Variants in CDH18 observed in about 807,000 individuals in gnomAD.
The protein encoded by CDH18 is cadherin 18.
Under a neutral mutation model 67.9 loss-of-function variants are expected in CDH18, and 31 were observed. The ratio of observed to expected loss-of-function variants is 0.46; its 90% confidence interval spans 0.34 to 0.62. The LOEUF (loss-of-function observed/expected upper bound fraction) is 0.62, where lower values mean the gene tolerates loss of function less well. Ranked by LOEUF, CDH18 falls within the 20% of genes least tolerant of loss-of-function variation. CDH18 has a pLI of 0.01. For synonymous variants in CDH18, 362 were observed against 347.2 expected (o/e 1.04, Z -0.48); for missense variants, 890 against 975.5 (o/e 0.91, Z 1.17).
chr5:20,215,875 C>G (rs759849876), intron 2 of CDH18, among the ~76,000 whole-genome samples: 23 of 151,748 alleles, frequency 1.5e-4, no homozygotes, highest in Non-Finnish European at 2.7e-4. Flanking sequence ...AATGCAGGAA[C>G]AGAAAACCAA....
At chr5:19,485,412 T>A (rs1231728828) in intron 11 of CDH18, among the ~76,000 whole-genome samples, 1 of 151,968 alleles carries the variant, frequency 6.6e-6, no homozygotes, top group Non-Finnish European at 1.5e-5. Flanking sequence ...CCTGCCAACA[T>A]GCCTGGCTAA....
intron 2 of CDH18, among the ~76,000 whole-genome samples, chr5:19,884,940 A>C (rs1579424633): frequency 1.3e-5 from 2 of 152,188 alleles, no homozygotes; most frequent in Admixed American, 1.3e-4. Context: ...AATGGATTAT[A>C]ATTAATTTTT....
At chr5:19,566,521 G>A (rs1447921790) in intron 8 of CDH18, among the ~76,000 whole-genome samples, 4 of 152,208 alleles carry the variant, frequency 2.6e-5, no homozygotes, top group Admixed American at 6.5e-5. Flanking sequence ...CAAAAGGCAC[G>A]TCTTGCGTGG....
chr5:19,680,911 G>A (rs2150383009), intron 5 of CDH18, among the ~76,000 whole-genome samples: 1 of 151,964 alleles, frequency 6.6e-6, no homozygotes, highest in Non-Finnish European at 1.5e-5. Flanking sequence ...CCCATTATTT[G>A]GTACATACCC....
intron 1 of CDH18, among the ~76,000 whole-genome samples, chr5:20,330,099 A>G (rs1263174266): frequency 6.6e-6 from 1 of 152,140 alleles, no homozygotes; most frequent in African/African-American, 2.4e-5. Flanking sequence ...ATAAGTCTGT[A>G]TTTTTGTTGT....
chr5:19,731,274 C>A (rs933976824), intron 4 of CDH18, among the ~76,000 whole-genome samples: 2 of 152,038 alleles, frequency 1.3e-5, no homozygotes, highest in African/African-American at 2.4e-5. Flanking sequence ...ATGGTGAAAC[C>A]CTGTCTCTAC....
chr5:20,445,741 A>T (rs1749949174), intron 1 of CDH18, among the ~76,000 whole-genome samples: 1 of 152,150 alleles, frequency 6.6e-6, no homozygotes, highest in South Asian at 2.1e-4. Context: ...TCTGCATTGG[A>T]ATGGATTATT....
chr5:20,251,643 G>T (rs75203287), intron 2 of CDH18, among the ~76,000 whole-genome samples: 1 of 152,200 alleles, frequency 6.6e-6, no homozygotes, highest in Non-Finnish European at 1.5e-5. Context: ...TGCAGTGGTG[G>T]GGGATGAGGC....
intron 3 of CDH18, among the ~76,000 whole-genome samples, chr5:19,750,150 G>T (rs1770646230): frequency 6.6e-6 from 1 of 152,038 alleles, no homozygotes; most frequent in South Asian, 2.1e-4. Flanking sequence ...GGAAACCATT[G>T]TAGTAGTTAT....
At chr5:20,118,137 T>C (rs1378510379) in intron 2 of CDH18, among the ~76,000 whole-genome samples, 1 of 152,182 alleles carries the variant, frequency 6.6e-6, no homozygotes, top group Non-Finnish European at 1.5e-5. Flanking sequence ...TCAGCAAGTT[T>C]AATAAGTGCA....
chr5:20,430,129 A>G (rs1748618297), intron 1 of CDH18, among the ~76,000 whole-genome samples: 1 of 152,194 alleles, frequency 6.6e-6, no homozygotes, highest in African/African-American at 2.4e-5. Context: ...TGTTGTACAG[A>G]ATACATTCAC....
chr5:20,354,416 C>T lies in CDH18; in HGVS notation c.-579-98911G>A, dbSNP rs185987055. ...TGCTCTTACTTAATTCCTGACCTTG[C>T]TTTATTTATTTATTTAGGGACAGGG... On this transcript the variant is annotated intron_variant, in intron 1 of 14. Transcript: ENST00000507958. Among the ~76,000 whole-genome samples, 613 of 152,148 alleles carry T rather than the reference C, an allele frequency of 4.0e-3. 4 individuals carry two copies. The highest frequency in any genetic ancestry group is 0.034 in the Middle Eastern group (10 of 294).
At chr5:20,279,670 T>C (rs1258698816) in intron 1 of CDH18, among the ~76,000 whole-genome samples, 44 of 111,010 alleles carry the variant, frequency 4.0e-4, no homozygotes, top group African/African-American at 1.6e-3. Flanking sequence ...TTGCACTCCT[T>C]CCTGGGTGAC....
chr5:19,851,404 T>A (rs1217598714), intron 2 of CDH18, among the ~76,000 whole-genome samples: 1 of 146,512 alleles, frequency 6.8e-6, no homozygotes, highest in Non-Finnish European at 1.5e-5. Flanking sequence ...ACAATAAAAT[T>A]GAATATAAAA....
chr5:19,641,418 A>G (rs77417674), intron 5 of CDH18, among the ~76,000 whole-genome samples: 53 of 152,186 alleles, frequency 3.5e-4, no homozygotes, highest in African/African-American at 1.3e-3. Flanking sequence ...ATATTCTTGA[A>G]GAACATAGAT....
chr5:20,018,987 C>CG (rs1203573002), intron 2 of CDH18, among the ~76,000 whole-genome samples: 1 of 146,070 alleles, frequency 6.8e-6, no homozygotes, highest in African/African-American at 2.6e-5. Flanking sequence ...TTAGTAGAGA[C>CG]GGGGTTTCAC....
chr5:20,368,459 A>G (rs143490036), intron 1 of CDH18, among the ~76,000 whole-genome samples: 6 of 152,204 alleles, frequency 3.9e-5, no homozygotes. Flanking sequence ...ATAGTACACA[A>G]TGCAAAGAAA....
At chr5:20,198,447 C>T (rs1489441478) in intron 2 of CDH18, among the ~76,000 whole-genome samples, 2 of 152,116 alleles carry the variant, frequency 1.3e-5, no homozygotes, top group Non-Finnish European at 2.9e-5. Context: ...GCATCCTGCC[C>T]CTGCCCTGGA....
chr5:20,397,238 C>A (rs1580902351), intron 1 of CDH18, among the ~76,000 whole-genome samples: 1 of 152,118 alleles, frequency 6.6e-6, no homozygotes, highest in Non-Finnish European at 1.5e-5. Flanking sequence ...TCAAGCAATT[C>A]TCCTGCCTCA....
Sources: gnomAD v4.1 joint callset for allele counts (sites outside exome capture counted in the v4.1 genomes callset) on GRCh38, gnomAD v4.1.1 for gene constraint, MANE v1.5 for transcripts, NCBI Gene and HGNC (gene_info 2026-07-23, HGNC 2026-07-21) for gene names.